Variants in PCDH15 observed in about 807,000 individuals in gnomAD.
The protein encoded by PCDH15 is protocadherin-15.
In PCDH15, 129 loss-of-function variants were observed where a neutral mutation model predicts 178.5. The observed-to-expected ratio is 0.72, with a 90% CI of 0.63 to 0.84. The LOEUF is 0.84. PCDH15 is among the 40% of genes least tolerant of loss of function. The pLI is 0.00. For synonymous variants in PCDH15, 800 were observed against 732.0 expected (o/e 1.09, Z -1.50); for missense variants, 2,230 against 2,099.9 (o/e 1.06, Z -1.21).
intron 2 of PCDH15, among the ~76,000 whole-genome samples, chr10:55,459,597 T>G (rs1235795473): frequency 1.3e-5 from 2 of 151,988 alleles, no homozygotes; most frequent in Non-Finnish European, 2.9e-5. Flanking sequence ...ATATTAGAAA[T>G]GATTAAGCAA....
chr10:55,625,926 T>C (rs1837516412), intron 2 of PCDH15, among the ~76,000 whole-genome samples: 1 of 152,128 alleles, frequency 6.6e-6, no homozygotes, highest in African/African-American at 2.4e-5. Flanking sequence ...ACTCTCCATG[T>C]CCTCCAACAC....
At chr10:54,561,570 A>G (rs895500825) in intron 2 of PCDH15, among the ~76,000 whole-genome samples, 1 of 152,110 alleles carries the variant, frequency 6.6e-6, no homozygotes, top group Non-Finnish European at 1.5e-5. Flanking sequence ...AGCAGTGGTG[A>G]TAACTTAGAT....
rs561050551 is a variant in PCDH15 at position 55,033,680 on chromosome 10, G to C, written c.-80+132896C>G. Among the ~76,000 whole-genome samples, 7 of 152,204 alleles carry C rather than the reference G, an allele frequency of 4.6e-5. 1 individual carries two copies. Among genetic ancestry groups the C allele is most frequent in the African/African-American group, 1.7e-4 (7 of 41,540 alleles). The stretch of plus-strand genomic sequence containing the variant: ...ATGTTTAGATGAGACTTTGGACTTA[G>C]ACTTTAAAGTTGATTCTGAAACAAG... On this transcript the variant is annotated intron_variant, in intron 2 of 5. Coordinates refer to the PCDH15 transcript ENST00000458638.
chr10:54,165,602 C>A (rs1379776419), intron 13 of PCDH15, among the ~76,000 whole-genome samples: 1 of 152,138 alleles, frequency 6.6e-6, no homozygotes, highest in Non-Finnish European at 1.5e-5. Context: ...CTATCAAATT[C>A]TCTCATGCCC....
At chr10:54,717,686 T>C (rs1404498530) in intron 1 of PCDH15, among the ~76,000 whole-genome samples, 3 of 136,488 alleles carry the variant, frequency 2.2e-5, no homozygotes. Flanking sequence ...GTTCAACCAT[T>C]GTGGAAGTCA....
chr10:54,488,277 C>T lies in PCDH15; in HGVS notation c.157+39535G>A, dbSNP rs576479356. Among the ~76,000 whole-genome samples the T allele has an allele frequency of 5.3e-5, 8 of 151,714 alleles. No individual in the cohort carries two copies. In the East Asian group the frequency reaches 1.5e-3, roughly 29 times the overall value. ...AATATAGTTTTGAACTTATATTAAA[C>T]CCAAATTAATTGGATACTTGGATTA... On this transcript the variant is annotated intron_variant, in intron 3 of 37. Coordinates refer to ENST00000644397, the MANE Select transcript of PCDH15 (RefSeq NM_001384140.1).
At chr10:55,079,755 C>T (rs1841991372) in intron 2 of PCDH15, among the ~76,000 whole-genome samples, 1 of 152,018 alleles carries the variant, frequency 6.6e-6, no homozygotes, top group Non-Finnish European at 1.5e-5. Flanking sequence ...AGAGGTTGGT[C>T]CTTAGGCTTC....
At chr10:55,596,267 C>T (rs1287184425) in intron 2 of PCDH15, among the ~76,000 whole-genome samples, 1 of 152,058 alleles carries the variant, frequency 6.6e-6, no homozygotes, top group Non-Finnish European at 1.5e-5. Flanking sequence ...CCTACCAAAA[C>T]ATTCTGCTTT....
intron 24 of PCDH15, among the ~76,000 whole-genome samples, chr10:53,940,261 G>A (rs999797724): frequency 1.3e-5 from 2 of 152,062 alleles, no homozygotes; most frequent in South Asian, 2.1e-4. Flanking sequence ...GAAAGATTGA[G>A]CTATGACCTT....
intron 15 of PCDH15, among the ~76,000 whole-genome samples, chr10:54,116,237 CAAAAA>C (rs58948747): frequency 8.0e-6 from 1 of 124,744 alleles, no homozygotes; most frequent in Non-Finnish European, 1.7e-5. Context: ...ACTGAAAATG[CAAAAA>C]AAAAAAAAAA....
intron 1 of PCDH15, among the ~76,000 whole-genome samples, chr10:54,767,298 TA>T (rs1347939111): frequency 1.3e-5 from 2 of 152,086 alleles, no homozygotes; most frequent in African/African-American, 4.8e-5. Context: ...CTGAACCTAT[TA>T]AAACTAAACC....
intron 2 of PCDH15, among the ~76,000 whole-genome samples, chr10:54,637,885 G>C (rs914208114): frequency 6.6e-6 from 1 of 151,996 alleles, no homozygotes; most frequent in African/African-American, 2.4e-5. Context: ...TGGTACTGTG[G>C]ACAGCATGAG....
chr10:55,589,951 T>C (rs946663239), intron 2 of PCDH15, among the ~76,000 whole-genome samples: 3 of 145,998 alleles, frequency 2.1e-5, no homozygotes, highest in African/African-American at 7.5e-5. Context: ...GACCCAGCCA[T>C]CCCATTACGG....
At chr10:55,501,573 T>C (rs1041852732) in intron 2 of PCDH15, among the ~76,000 whole-genome samples, 1 of 151,810 alleles carries the variant, frequency 6.6e-6, no homozygotes, top group Non-Finnish European at 1.5e-5. Context: ...GATGGTTATA[T>C]AGTGTTTTAG....
intron 2 of PCDH15, among the ~76,000 whole-genome samples, chr10:54,923,276 C>T (rs553555430): frequency 7.2e-6 from 1 of 138,466 alleles, no homozygotes; most frequent in African/African-American, 2.5e-5. Context: ...GCCCATGAAA[C>T]CAATTTTTTT....
rs74134797 is a variant in PCDH15, at chr10:53,821,437, G to A, written c.4368-1207C>T. ...AAAACAGAACCTATCAATCATATCA[G>A]TTTTAACTTATTTGTAACAGTCTGC... On this transcript the variant is annotated intron_variant, in intron 32 of 37. Coordinates refer to ENST00000644397, the MANE Select transcript of PCDH15 (RefSeq NM_001384140.1). 2.8e-3 allele frequency: 2,832 copies of A among 1,013,262 alleles called. 55 individuals are homozygous for A. The African/African-American group carries it at 0.042, about 15-fold the overall frequency. 62.8% of individuals were successfully genotyped at this position (1,013,262 alleles called of 1,614,324 possible). A position where few individuals can be genotyped will look rare whatever the true frequency, so the allele number is the denominator to read the frequency against.
intron 26 of PCDH15, among the ~76,000 whole-genome samples, chr10:53,879,454 T>C (rs991846562): frequency 6.6e-5 from 10 of 152,164 alleles, no homozygotes; most frequent in African/African-American, 2.4e-4. Flanking sequence ...TGAAGACTAA[T>C]GTAACTAAGG....
chr10:55,307,047 T>C (rs1294543481), intron 1 of PCDH15, among the ~76,000 whole-genome samples: 2 of 151,940 alleles, frequency 1.3e-5, no homozygotes, highest in Non-Finnish European at 2.9e-5. Context: ...ATTGTAATAA[T>C]GCTATCATTA....
chr10:54,165,884 T>A lies in PCDH15; in HGVS notation c.1591-12591A>T, dbSNP rs2046175786. Among the ~76,000 whole-genome samples the A allele has an allele frequency of 2.0e-5, 3 of 152,106 alleles. No homozygotes were observed. In the South Asian group the frequency reaches 6.2e-4, roughly 32 times the overall value. ...TGGAAAAGAAACAGAAACAATAACT[T>A]CTGTCAAACAGAAGGTGCTCTAGGA... On this transcript the variant is annotated intron_variant, in intron 13 of 37. Coordinates refer to ENST00000644397, the MANE Select transcript of PCDH15 (RefSeq NM_001384140.1).
Sources: allele counts gnomAD v4.1 joint callset (sites outside exome capture counted in the v4.1 genomes callset), GRCh38; gene constraint gnomAD v4.1.1; transcripts MANE v1.5; gene names NCBI Gene and HGNC (gene_info 2026-07-23, HGNC 2026-07-21).